Variants in SCN3A observed in about 807,000 individuals in gnomAD.
The protein encoded by SCN3A is sodium channel protein type 3 subunit alpha.
In SCN3A, 60 loss-of-function variants were observed where a neutral mutation model predicts 187.6. That is an observed-to-expected ratio of 0.32 (90% CI 0.26 to 0.40). The LOEUF (loss-of-function observed/expected upper bound fraction) is 0.40. Ranked by LOEUF, SCN3A falls within the 10% of genes least tolerant of loss-of-function variation. The pLI is 1.00. For synonymous variants in SCN3A, 788 were observed against 829.2 expected (o/e 0.95, Z 0.85); for missense variants, 1,601 against 2,428.2 (o/e 0.66, Z 7.16).
In SCN3A at chr2:165,129,954, T is replaced by A. The variant is rs1687214900; in HGVS notation, c.2908A>T (p.Ile970Phe). The change falls in exon 17 of 28, where the codon ATT becomes TTT. Residue 970 changes from isoleucine (I) to phenylalanine (F), a missense_variant. Around this residue, in one of 11 missense-constraint regions of SCN3A, gnomAD observed 91 missense variants for 207.0 expected, o/e 0.44. Coordinates refer to ENST00000283254, the MANE Select transcript of SCN3A (RefSeq NM_006922.4). The stretch of plus-strand genomic sequence containing the variant: ...TACATACATACCACAAGGTTTCCAA[T>A]GACCATGACCAACATGAAAACAATA... ...CLIVFMLVMVIGNLVVLNLFL... is the reference protein window; with the variant it reads ...CLIVFMLVMVFGNLVVLNLFL... 2 of 1,613,982 alleles carry A rather than the reference T, an allele frequency of 1.2e-6. No homozygotes were observed. Among genetic ancestry groups the A allele is most frequent in the Non-Finnish European group, 1.7e-6 (2 of 1,179,984 alleles).
chr2:165,094,586 C>A, intron 25 of SCN3A, 108 bp from the exon 26 acceptor site: 1 of 748,230 alleles, frequency 1.3e-6, no homozygotes, highest in Admixed American at 2.1e-5. Context: ...GGATATTATC[C>A]TCCTACATAT....
At chr2:165,114,216 AT>A (rs1686250951) in intron 19 of SCN3A, among the ~76,000 whole-genome samples, 1 of 152,192 alleles carries the variant, frequency 6.6e-6, no homozygotes, top group Non-Finnish European at 1.5e-5. Flanking sequence ...CAATGGTTTC[AT>A]TCTTCACCAC....
chr2:165,120,796 G>A (rs948826324), intron 18 of SCN3A, among the ~76,000 whole-genome samples: 3 of 149,676 alleles, frequency 2.0e-5, no homozygotes, highest in African/African-American at 7.4e-5. Flanking sequence ...AAGGCCAGTA[G>A]CTCTTTTTTT....
chr2:165,111,671 T>G (rs937488702), intron 21 of SCN3A, among the ~76,000 whole-genome samples: 1 of 152,140 alleles, frequency 6.6e-6, no homozygotes, highest in Admixed American at 6.5e-5. Context: ...CTCCAAAAAA[T>G]ATTTAAACTG....
chr2:165,128,184 T>C, intron 17 of SCN3A, 83 bp from the exon 18 acceptor site: 1 of 1,069,898 alleles, frequency 9.3e-7, no homozygotes, highest in South Asian at 1.5e-5. Context: ...TCATAGATCT[T>C]TGCTAAAATT....
intron 21 of SCN3A, among the ~76,000 whole-genome samples, chr2:165,108,506 A>C (rs1464694242): frequency 6.6e-6 from 1 of 152,152 alleles, no homozygotes; most frequent in African/African-American, 2.4e-5. Flanking sequence ...GTGAGCAATA[A>C]ATACTTCATG....
chr2:165,162,004 A>G (rs1312513728), intron 9 of SCN3A, among the ~76,000 whole-genome samples: 6 of 152,182 alleles, frequency 3.9e-5, no homozygotes, highest in Non-Finnish European at 8.8e-5. Context: ...TGTGTTTCCT[A>G]ACAGCTCTGA....
intron 11 of SCN3A, among the ~76,000 whole-genome samples, chr2:165,147,914 C>T (rs1163517045): frequency 6.6e-6 from 1 of 152,060 alleles, no homozygotes; most frequent in Non-Finnish European, 1.5e-5. Context: ...ATATGGTGTG[C>T]ATCAAAGCTG....
chr2:165,119,287 T>C (rs1366787840), intron 18 of SCN3A, among the ~76,000 whole-genome samples: 1 of 152,236 alleles, frequency 6.6e-6, no homozygotes, highest in Non-Finnish European at 1.5e-5. Flanking sequence ...AAAGTACCTA[T>C]GTTTTAATTG....
At chr2:165,095,262 C>G (rs922841780) in intron 25 of SCN3A, among the ~76,000 whole-genome samples, 1 of 152,138 alleles carries the variant, frequency 6.6e-6, no homozygotes, top group African/African-American at 2.4e-5. Context: ...AGCTAAAGCA[C>G]TGGAGACCCG....
intron 26 of SCN3A, chr2:165,093,778 C>T (rs1281659575): frequency 6.6e-6 from 1 of 152,396 alleles, no homozygotes; most frequent in Non-Finnish European, 1.5e-5. Context: ...GGGCATGATT[C>T]GTATGTTCTT....
chr2:165,133,624 A>C lies in SCN3A; in HGVS notation c.2392-2207T>G, dbSNP rs933597379. ...CTCCCAAAGTACTGGGATTACAAGC[A>C]TGAGCCAACACACCCAGCCATGTCT... On this transcript the variant is annotated intron_variant, in intron 15 of 27. Transcript: ENST00000283254. 4.0e-5 allele frequency among the ~76,000 whole-genome samples: 6 copies of C among 150,050 alleles called. No individual in the cohort carries two copies. In the South Asian group the frequency reaches 1.3e-3, roughly 32 times the overall value.
chr2:165,179,044 T>G (rs1690660730), intron 2 of SCN3A, among the ~76,000 whole-genome samples: 1 of 152,098 alleles, frequency 6.6e-6, no homozygotes, highest in Non-Finnish European at 1.5e-5. Flanking sequence ...TGAATGGCTG[T>G]GGCTCTTCTC....
At chr2:165,129,173 A>T (rs1687170003) in intron 17 of SCN3A, among the ~76,000 whole-genome samples, 1 of 152,206 alleles carries the variant, frequency 6.6e-6, no homozygotes, top group Admixed American at 6.5e-5. Context: ...CCCTCAAAGG[A>T]AAGGCCCAAT....
intron 21 of SCN3A, among the ~76,000 whole-genome samples, chr2:165,105,141 G>A (rs766657171): frequency 2.0e-5 from 3 of 152,128 alleles, no homozygotes; most frequent in Non-Finnish European, 4.4e-5. Flanking sequence ...TTAAAATTTT[G>A]TATACAGGAA....
intron 21 of SCN3A, among the ~76,000 whole-genome samples, chr2:165,108,799 A>G (rs1011474660): frequency 6.6e-6 from 1 of 152,186 alleles, no homozygotes; most frequent in African/African-American, 2.4e-5. Flanking sequence ...TAAAATGAAC[A>G]TAGTATCTTT....
chr2:165,191,065 T>G (rs934727105), intron 1 of SCN3A, among the ~76,000 whole-genome samples: 2 of 151,422 alleles, frequency 1.3e-5, no homozygotes, highest in African/African-American at 4.8e-5. Flanking sequence ...ACGTTGTTTT[T>G]TTTTTTTTTT....
chr2:165,090,320 T>A lies in SCN3A; in HGVS notation c.5833A>T (p.Ile1945Phe). 8 of 1,613,494 alleles carry A rather than the reference T, an allele frequency of 5.0e-6. No individual in the cohort carries two copies. Among genetic ancestry groups the A allele is most frequent in the Non-Finnish European group, 6.8e-6 (8 of 1,179,552 alleles). Residue 1945 changes from isoleucine to phenylalanine, a missense_variant, in exon 28 of 28, where the codon ATT becomes TTT. By Grantham distance (21) the Ile-to-Phe change is conservative. Transcript: ENST00000283254. This position sits in a 1 kb window ranked among gnomAD's most constrained non-coding sequence, Gnocchi z 4.0. ...GAGTTCCCATTTAGTTTGTCAATAA[T>A]CATGTCTTGTTTTATAGGTAAGTCA... ...RIDLPIKQDM[I>F]IDKLNGNSTP...
chr2:165,090,222 G>T lies in SCN3A; in HGVS notation c.5931C>A (p.Asp1977Glu). ...GTTTGTCTTTCTCAAACTTTTCCTTGTCTGGTTTTGTTACACTATCATAGG... is the reference window on the plus strand; with the variant it reads ...GTTTGTCTTTCTCAAACTTTTCCTTTTCTGGTTTTGTTACACTATCATAGG... ...PPSYDSVTKP[D>E]KEKFEKDKPE... Residue 1977 changes from aspartate to glutamate, a missense_variant, in exon 28 of 28, where the codon GAC becomes GAA. This residue lies in a region of SCN3A where 87 missense variants were observed against 89.2 expected (regional missense o/e 0.98). Transcript: ENST00000283254. The surrounding 1 kb of genome is among the most constrained non-coding windows in gnomAD (Gnocchi z 4.0). 4 of 1,608,410 alleles carry T rather than the reference G, an allele frequency of 2.5e-6. No individual in the cohort carries two copies. Among genetic ancestry groups the T allele is most frequent in the Non-Finnish European group, 3.4e-6 (4 of 1,176,410 alleles).
Sources: allele counts gnomAD v4.1 joint callset (sites outside exome capture counted in the v4.1 genomes callset), GRCh38; gene constraint gnomAD v4.1.1; regional missense constraint gnomAD v4.1.1; non-coding constraint Gnocchi (gnomAD v3.1); transcripts MANE v1.5; gene names NCBI Gene and HGNC (gene_info 2026-07-23, HGNC 2026-07-21).